Variants in FOXK1 observed in about 807,000 individuals in gnomAD.
The protein encoded by FOXK1 is forkhead box protein K1.
In FOXK1, 19 loss-of-function variants were observed where a neutral mutation model predicts 51.9. The observed-to-expected ratio is 0.37, with a 90% CI of 0.26 to 0.54. The LOEUF (loss-of-function observed/expected upper bound fraction) is 0.54. FOXK1 is among the 20% of genes least tolerant of loss of function. FOXK1 has a pLI of 0.87. For missense variants in FOXK1, 870 were observed against 1,032.7 expected (o/e 0.84, Z 2.16); for synonymous variants, 537 against 482.6 (o/e 1.11, Z -1.48).
chr7:4,736,640 C>T (rs764648672), intron 1 of FOXK1, among the ~76,000 whole-genome samples: 2 of 152,088 alleles, frequency 1.3e-5, no homozygotes, highest in Non-Finnish European at 2.9e-5. Context: ...TCTCGAACTC[C>T]TGACCTCAGG....
chr7:4,708,659 A>G (rs28709543), intron 1 of FOXK1, among the ~76,000 whole-genome samples: 29,098 of 152,250 alleles, frequency 0.19, 5,990 homozygotes, highest in African/African-American at 0.52. Context: ...TGGCTGCAGC[A>G]GGCGGGAGGC....
In FOXK1 at chr7:4,711,483, C is replaced by T. The variant is rs907092219; in HGVS notation, c.560+28615C>T. 1.3e-5 allele frequency among the ~76,000 whole-genome samples: 2 copies of T among 152,254 alleles called. No homozygotes were observed. Among genetic ancestry groups the T allele is most frequent in the Admixed American group, 6.5e-5 (1 of 15,294 alleles). ...AAGATGTGACTTTCTCAGTGGCCCT[C>T]AGACGTCTTGGCAAGTGAAGAGTGT... On this transcript the variant is annotated intron_variant, in intron 1 of 8. Coordinates refer to ENST00000328914, the MANE Select transcript of FOXK1 (RefSeq NM_001037165.2). This position sits in a 1 kb window ranked among gnomAD's most constrained non-coding sequence, Gnocchi z 6.3.
At chr7:4,706,715 C>T (rs565951133) in intron 1 of FOXK1, among the ~76,000 whole-genome samples, 95 of 152,352 alleles carry the variant, frequency 6.2e-4, no homozygotes, top group African/African-American at 2.2e-3. Flanking sequence ...TCATCATCCT[C>T]GTGAAAGACA....
chr7:4,762,285 G>T lies in FOXK1; in HGVS notation c.2023G>T (p.Ala675Ser). The change falls in exon 9 of 9, where the codon GCC becomes TCC. Residue 675 changes from alanine (A) to serine (S), a missense_variant. Physicochemically the swap from Ala to Ser is moderately conservative, Grantham distance 99 (BLOSUM62 1). Around this residue, in one of 3 missense-constraint regions of FOXK1, gnomAD observed 457 missense variants for 510.8 expected, o/e 0.89. Coordinates refer to ENST00000328914, the MANE Select transcript of FOXK1 (RefSeq NM_001037165.2). This position sits in a 1 kb window ranked among gnomAD's most constrained non-coding sequence, Gnocchi z 5.7. ...GGTGGGGCCCAAGGAGCCAGCAGCA[G>T]CCGTCGCGGCCACGGCCACCACCAC... ...CEVGPKEPAA[A>S]VAATATTTPA... 6.4e-7 allele frequency: 1 copy of T among 1,550,526 alleles called. No homozygotes were observed. The highest frequency in any genetic ancestry group is 2.4e-5 in the East Asian group (1 of 40,908).
rs1323990646 is a variant in FOXK1 at position 4,767,755 on chromosome 7, C to T, written c.*5291C>T. On this transcript the variant is annotated 3_prime_UTR_variant, in exon 9 of 9. Coordinates refer to ENST00000328914, the MANE Select transcript of FOXK1 (RefSeq NM_001037165.2). The surrounding 1 kb of genome is among the most constrained non-coding windows in gnomAD (Gnocchi z 6.6). ...TCAGTGCTCAGGACACGGTTTTCATCACATACTTACTGTTTTTTTGGTTGG... is the reference window on the plus strand; with the variant it reads ...TCAGTGCTCAGGACACGGTTTTCATTACATACTTACTGTTTTTTTGGTTGG... 1 of 152,166 alleles carries T rather than the reference C, an allele frequency of 6.6e-6. No individual in the cohort carries two copies. Among genetic ancestry groups the T allele is most frequent in the African/African-American group, 2.4e-5 (1 of 41,432 alleles). 9.4% of individuals were successfully genotyped at this position (152,166 alleles called of 1,614,324 possible).
intron 1 of FOXK1, among the ~76,000 whole-genome samples, chr7:4,710,701 G>A (rs954453856): frequency 6.6e-6 from 1 of 152,160 alleles, no homozygotes; most frequent in African/African-American, 2.4e-5. Flanking sequence ...GCTTTGGAAG[G>A]GAGGGTCACA....
chr7:4,710,190 A>T (rs910542564), intron 1 of FOXK1, among the ~76,000 whole-genome samples: 1 of 152,220 alleles, frequency 6.6e-6, no homozygotes, highest in Admixed American at 6.5e-5. Flanking sequence ...TCTAAGCCTC[A>T]GTTTCCTCAG....
Position 4,709,250 on chromosome 7 carries a change from C to T in FOXK1, c.560+26382C>T, listed in dbSNP as rs1780144280. On this transcript the variant is annotated intron_variant, in intron 1 of 8. Coordinates refer to ENST00000328914, the MANE Select transcript of FOXK1 (RefSeq NM_001037165.2). The surrounding 1 kb of genome is among the most constrained non-coding windows in gnomAD (Gnocchi z 5.6). ...TGCCTGGCATCCCCACCCTGTCATC[C>T]CGAGAATCCCACTGCATGTTTTGGA... Among the ~76,000 whole-genome samples, 1 of 152,092 alleles carries T rather than the reference C, an allele frequency of 6.6e-6. No individual in the cohort carries two copies. Among genetic ancestry groups the T allele is most frequent in the Non-Finnish European group, 1.5e-5 (1 of 68,004 alleles).
rs563720003 is a variant in FOXK1 at position 4,761,465 on chromosome 7, C to T, written c.1921+177C>T. On this transcript the variant is annotated intron_variant, in intron 8 of 8. Transcript: ENST00000328914. This position sits in a 1 kb window ranked among gnomAD's most constrained non-coding sequence, Gnocchi z 6.2. ...CAAAGAAAAAGAGGGTGGAAGGGGCCACCTATCATCCCAGCACCTTGGGAG... is the reference window on the plus strand; with the variant it reads ...CAAAGAAAAAGAGGGTGGAAGGGGCTACCTATCATCCCAGCACCTTGGGAG... 6.6e-6 allele frequency among the ~76,000 whole-genome samples: 1 copy of T among 152,122 alleles called. No individual in the cohort carries two copies.
chr7:4,760,969 C>T lies in FOXK1; in HGVS notation c.1697-95C>T, dbSNP rs902815527. 1.1e-5 allele frequency: 13 copies of T among 1,187,618 alleles called. No individual in the cohort carries two copies. In the African/African-American group the frequency reaches 1.2e-4, roughly 11 times the overall value. The allele number at this position is 1,187,618 out of a possible 1,614,324, so 73.6% of individuals were successfully genotyped here. On this transcript the variant is annotated intron_variant, in intron 7 of 8. Transcript: ENST00000328914. ...ACCTATTTTTTCCCAGTGCCGACCT[C>T]ACTTTCCCCACTTGTCCGACCTGCT...
At chr7:4,705,984 GTA>G (rs1491183158) in intron 1 of FOXK1, among the ~76,000 whole-genome samples, 4 of 87,934 alleles carry the variant, frequency 4.5e-5, no homozygotes, top group South Asian at 2.8e-4. Flanking sequence ...GTATATATAC[GTA>G]TATATACGTA....
intron 1 of FOXK1, among the ~76,000 whole-genome samples, chr7:4,738,065 T>C (rs1161201849): frequency 6.8e-6 from 1 of 147,210 alleles, no homozygotes; most frequent in Admixed American, 6.9e-5. Context: ...GAGGTTGCGG[T>C]GAGCCAAGAT....
intron 1 of FOXK1, among the ~76,000 whole-genome samples, chr7:4,736,309 T>C (rs1407115157): frequency 1.3e-5 from 2 of 152,174 alleles, no homozygotes; most frequent in African/African-American, 4.8e-5. Flanking sequence ...GAAATTGTCA[T>C]CTATAGATGG....
chr7:4,684,395 A>G (rs567953454), intron 1 of FOXK1, among the ~76,000 whole-genome samples: 47 of 152,324 alleles, frequency 3.1e-4, no homozygotes, highest in African/African-American at 1.1e-3. Context: ...GTTTGGTTAC[A>G]GATATCGCAT....
At position 4,761,226 on chromosome 7, in the gene FOXK1, G is replaced by A. The variant is rs373966273; in HGVS notation, c.1859G>A (p.Arg620Gln). 36 of 1,613,016 alleles carry A rather than the reference G, an allele frequency of 2.2e-5. No homozygotes were observed. Among genetic ancestry groups the A allele is most frequent in the Non-Finnish European group, 2.8e-5 (33 of 1,180,038 alleles). ...CTCGGGCAGCACCACCTTCCAGTCCGGGCCGTGACCCAGAACGGAAAGCAT... is the reference window on the plus strand; with the variant it reads ...CTCGGGCAGCACCACCTTCCAGTCCAGGCCGTGACCCAGAACGGAAAGCAT... ...VTLGQHHLPV[R>Q]AVTQNGKHAV... The change falls in exon 8 of 9, where the codon CGG (arginine) becomes CAG (glutamine). Residue 620 changes from arginine (R) to glutamine (Q), a missense_variant. Transcript: ENST00000328914. This position sits in a 1 kb window ranked among gnomAD's most constrained non-coding sequence, Gnocchi z 6.2.
Position 4,683,828 on chromosome 7 carries a change from G to T in FOXK1, c.560+960G>T, listed in dbSNP as rs150637449. On this transcript the variant is annotated intron_variant, in intron 1 of 8. Coordinates refer to ENST00000328914, the MANE Select transcript of FOXK1 (RefSeq NM_001037165.2). The surrounding 1 kb of genome is among the most constrained non-coding windows in gnomAD (Gnocchi z 4.5). ...GTGGGAGGGTGTTGCTCCGGGAAGT[G>T]CGAGGTCCCTAGGAGTGTGGGCTGT... Among the ~76,000 whole-genome samples the T allele has an allele frequency of 3.3e-5, 5 of 152,334 alleles. No individual in the cohort carries two copies. The highest frequency in any genetic ancestry group is 1.2e-4 in the African/African-American group (5 of 41,580).
chr7:4,701,306 G>A (rs1032428152), intron 1 of FOXK1, among the ~76,000 whole-genome samples: 4 of 152,304 alleles, frequency 2.6e-5, no homozygotes, highest in Admixed American at 2.6e-4. Flanking sequence ...TTTGAGTAAC[G>A]TTTGTTGGGT....
intron 7 of FOXK1, among the ~76,000 whole-genome samples, chr7:4,760,776 G>A (rs1228738780): frequency 2.0e-5 from 3 of 152,244 alleles, no homozygotes; most frequent in Middle Eastern, 3.4e-3. Context: ...GCTTGAACCC[G>A]GGAGGCGGAG....
intron 1 of FOXK1, among the ~76,000 whole-genome samples, chr7:4,726,295 C>T (rs1780380789): frequency 6.6e-6 from 1 of 152,110 alleles, no homozygotes. Flanking sequence ...GAGCTGGCCG[C>T]GGCAGGACGG....
Sources: gnomAD v4.1 joint callset for allele counts (sites outside exome capture counted in the v4.1 genomes callset) on GRCh38, gnomAD v4.1.1 for gene constraint, gnomAD v4.1.1 regional missense constraint, Gnocchi (gnomAD v3.1) non-coding constraint, MANE v1.5 for transcripts, NCBI Gene and HGNC (gene_info 2026-07-23, HGNC 2026-07-21) for gene names.